Variants in PIGF observed in about 807,000 individuals in gnomAD.
The protein encoded by PIGF is GPI ethanolamine phosphate transferase, stabilizing subunit.
In PIGF, 23 loss-of-function variants were observed where a neutral mutation model predicts 26.0. The ratio of observed to expected loss-of-function variants is 0.88; its 90% CI spans 0.64 to 1.25. The LOEUF is 1.25. PIGF is among the 50% of genes most tolerant of loss of function. The probability of loss-of-function intolerance (pLI) is 0.00; values close to 1 mark genes in which losing one functional copy is unlikely to be tolerated. For missense variants in PIGF, 278 were observed against 249.9 expected (o/e 1.11, Z -0.76); for synonymous variants, 93 against 92.6 (o/e 1.00, Z -0.03).
intron 4 of PIGF, among the ~76,000 whole-genome samples, chr2:46,595,557 A>AACATTTATG (rs1669856900): frequency 6.6e-6 from 1 of 152,188 alleles, no homozygotes; most frequent in Admixed American, 6.5e-5. Context: ...TGTTGCTATG[A>AACATTTATG]ACATTTATGC....
At chr2:46,593,973 T>C (rs556454074) in intron 4 of PIGF, among the ~76,000 whole-genome samples, 1 of 152,338 alleles carries the variant, frequency 6.6e-6, no homozygotes, top group African/African-American at 2.4e-5. Flanking sequence ...TTGTTTCCAT[T>C]GAGAAGCAGG....
At chr2:46,582,307 G>T (rs1199464037) in intron 5 of PIGF, 1 of 151,828 alleles carries the variant, frequency 6.6e-6, no homozygotes, top group African/African-American at 2.4e-5. Context: ...AAAAGTTGGA[G>T]GAAAATTTTC....
intron 5 of PIGF, among the ~76,000 whole-genome samples, chr2:46,587,428 G>T (rs573482196): frequency 1.4e-5 from 2 of 146,070 alleles, no homozygotes; most frequent in Admixed American, 7.0e-5. Context: ...GATTTCTAAC[G>T]TGGTAAAACT....
At chr2:46,585,018 T>G (rs1669523417) in intron 5 of PIGF, among the ~76,000 whole-genome samples, 1 of 152,238 alleles carries the variant, frequency 6.6e-6, no homozygotes. Context: ...CCTTTAAAAC[T>G]ATTTCCTTAT....
Position 46,591,611 on chromosome 2 carries a change from C to T in PIGF, c.546+864G>A, listed in dbSNP as rs558199915. ...CAGCAGTGTTTATTATCACAAAATACTGGCAATAATCTAAATGATCAATAG... is the reference window on the plus strand; with the variant it reads ...CAGCAGTGTTTATTATCACAAAATATTGGCAATAATCTAAATGATCAATAG... On this transcript the variant is annotated intron_variant, in intron 5 of 5. Coordinates refer to ENST00000281382, the MANE Select transcript of PIGF (RefSeq NM_002643.4). 7.4e-6 allele frequency: 7 copies of T among 947,648 alleles called. No individual in the cohort carries two copies. The African/African-American group carries it at 1.1e-4, about 14-fold the overall frequency. 58.7% of individuals were successfully genotyped at this position (947,648 alleles called of 1,614,324 possible).
intron 5 of PIGF, among the ~76,000 whole-genome samples, chr2:46,591,270 C>T (rs1356786289): frequency 6.6e-6 from 1 of 151,896 alleles, no homozygotes; most frequent in Non-Finnish European, 1.5e-5. Context: ...GGGGAAAAAG[C>T]AGATTAAAAA....
intron 4 of PIGF, among the ~76,000 whole-genome samples, chr2:46,595,705 T>C (rs975739577): frequency 1.3e-5 from 2 of 152,210 alleles, no homozygotes; most frequent in Admixed American, 1.3e-4. Context: ...GGCTGAACCA[T>C]TTTATATTCC....
chr2:46,590,900 A>G (rs1466204645), intron 5 of PIGF, among the ~76,000 whole-genome samples: 1 of 152,200 alleles, frequency 6.6e-6, no homozygotes, highest in Non-Finnish European at 1.5e-5. Flanking sequence ...TGAAACAACA[A>G]TTTGACTTTC....
intron 4 of PIGF, among the ~76,000 whole-genome samples, chr2:46,607,109 T>C (rs1193885994): frequency 6.6e-6 from 1 of 152,198 alleles, no homozygotes; most frequent in Non-Finnish European, 1.5e-5. Flanking sequence ...TTGTATATTT[T>C]AAATAGATGA....
At chr2:46,612,608 C>CACAA (rs754021525) in intron 3 of PIGF, among the ~76,000 whole-genome samples, 2 of 152,126 alleles carry the variant, frequency 1.3e-5, no homozygotes. Flanking sequence ...TCACTGCAAA[C>CACAA]ACAAACAAAC....
At chr2:46,611,602 G>A (rs2104138420) in intron 4 of PIGF, among the ~76,000 whole-genome samples, 1 of 152,258 alleles carries the variant, frequency 6.6e-6, no homozygotes, top group Non-Finnish European at 1.5e-5. Context: ...TGATAAATAG[G>A]AAAGAATCAA....
At chr2:46,583,219 A>T (rs1047304227) in intron 5 of PIGF, 4 of 152,102 alleles carry the variant, frequency 2.6e-5, no homozygotes, top group African/African-American at 4.8e-5. Context: ...CAAAGTTAGA[A>T]GTCTAGAATT....
chr2:46,596,816 A>G (rs963055647), intron 4 of PIGF, among the ~76,000 whole-genome samples: 3 of 152,306 alleles, frequency 2.0e-5, no homozygotes, highest in African/African-American at 7.2e-5. Flanking sequence ...CAATGGTAAC[A>G]TCTCCTCCTT....
intron 4 of PIGF, among the ~76,000 whole-genome samples, chr2:46,594,109 G>T (rs888994538): frequency 6.6e-6 from 1 of 152,186 alleles, no homozygotes; most frequent in African/African-American, 2.4e-5. Context: ...GCATTCAATA[G>T]AACAGAGATG....
At chr2:46,593,631 G>C (rs1335547367) in intron 4 of PIGF, among the ~76,000 whole-genome samples, 2 of 152,212 alleles carry the variant, frequency 1.3e-5, no homozygotes, top group Admixed American at 6.5e-5. Context: ...GTTAGTTTCA[G>C]CCTGGCCCTC....
At chr2:46,593,491 G>GA (rs1669786727) in intron 4 of PIGF, among the ~76,000 whole-genome samples, 1 of 152,204 alleles carries the variant, frequency 6.6e-6, no homozygotes, top group Admixed American at 6.5e-5. Flanking sequence ...TACTTGGCAA[G>GA]AAACAGGCAG....
In PIGF at chr2:46,612,223, C is replaced by T. The variant is rs1258945246; in HGVS notation, c.437+5G>A. 4.4e-6 allele frequency: 4 copies of T among 904,784 alleles called. No homozygotes were observed. The highest frequency in any genetic ancestry group is 6.2e-6 in the Non-Finnish European group (4 of 642,338). The allele number at this position is 904,784 out of a possible 1,614,324, so 56.0% of individuals were successfully genotyped here. A position where few individuals can be genotyped will look rare whatever the true frequency, so the allele number is the denominator to read the frequency against. ...ATATCATTATAATATAAAATTAAAA[C>T]TTACCCATTTCTACTGAACACTCTT... On this transcript the variant is annotated splice_donor_5th_base_variant and intron_variant, in intron 4 of 5. Coordinates refer to ENST00000281382, the MANE Select transcript of PIGF (RefSeq NM_002643.4).
Position 46,581,543 on chromosome 2 carries a change from C to G in PIGF, c.595G>C (p.Gly199Arg). ...ATCCAGAGTGGTGAAATAACAAGGCCAGCCACGTAGCCAAAGGTCGCTCCA... is the reference window on the plus strand; with the variant it reads ...ATCCAGAGTGGTGAAATAACAAGGCGAGCCACGTAGCCAAAGGTCGCTCCA... ...TLGATFGYVA[G>R]LVISPLWIYW... is the part of the protein sequence containing the mutation. The change falls in exon 6 of 6, where the codon GGC becomes CGC. Residue 199 changes from glycine (G) to arginine (R), a missense_variant. Physicochemically the swap from Gly to Arg is moderately radical, Grantham distance 125. Coordinates refer to ENST00000281382, the MANE Select transcript of PIGF (RefSeq NM_002643.4). 6.2e-7 allele frequency: 1 copy of G among 1,611,594 alleles called. No homozygotes were observed. Among genetic ancestry groups the G allele is most frequent in the Non-Finnish European group, 8.5e-7 (1 of 1,179,582 alleles).
intron 4 of PIGF, among the ~76,000 whole-genome samples, chr2:46,601,717 T>C (rs1670061327): frequency 6.6e-6 from 1 of 152,060 alleles, no homozygotes. Context: ...TCACTATATT[T>C]TCACTCTTAG....
Sources: allele counts gnomAD v4.1 joint callset (sites outside exome capture counted in the v4.1 genomes callset), GRCh38; gene constraint gnomAD v4.1.1; transcripts MANE v1.5; gene names NCBI Gene and HGNC (gene_info 2026-07-23, HGNC 2026-07-21).